Variants in SLC44A3 observed in about 807,000 individuals in gnomAD.
The protein encoded by SLC44A3 is choline transporter-like protein 3.
SLC44A3 carries 74 observed loss-of-function variants against 75.4 expected under a neutral mutation model. The observed-to-expected ratio is 0.98, with a 90% CI of 0.81 to 1.19. The LOEUF (loss-of-function observed/expected upper bound fraction) is 1.19. SLC44A3 is among the 50% of genes most tolerant of loss of function. The pLI, the probability that SLC44A3 is intolerant of heterozygous loss-of-function variation, is 0.00. For missense variants in SLC44A3, 700 were observed against 778.6 expected (o/e 0.90, Z 1.20); for synonymous variants, 310 against 296.9 (o/e 1.04, Z -0.45).
At chr1:94,840,559 G>T (rs967018779) in intron 7 of SLC44A3, among the ~76,000 whole-genome samples, 1 of 151,924 alleles carries the variant, frequency 6.6e-6, no homozygotes, top group Non-Finnish European at 1.5e-5. Context: ...CAAAGTGCTG[G>T]GATTACAGGT....
At chr1:94,871,874 G>A (rs561442882) in intron 12 of SLC44A3, among the ~76,000 whole-genome samples, 15 of 152,312 alleles carry the variant, frequency 9.8e-5, no homozygotes, top group Admixed American at 3.9e-4. Flanking sequence ...TCTTAACATA[G>A]TTTCTTAAGG....
At chr1:94,839,352 A>G (rs1360638367) in intron 6 of SLC44A3, among the ~76,000 whole-genome samples, 1 of 152,210 alleles carries the variant, frequency 6.6e-6, no homozygotes, top group Admixed American at 6.5e-5. Context: ...AGATTTGGGC[A>G]TTTGAGAATA....
intron 6 of SLC44A3, chr1:94,838,905 C>T (rs1019500727): frequency 1.3e-5 from 2 of 152,202 alleles, no homozygotes; most frequent in East Asian, 1.9e-4. Context: ...TAACAGCTGT[C>T]GTTTACTGAG....
Position 94,824,592 on chromosome 1 carries a change from G to T in SLC44A3, c.235G>T (p.Val79Leu), listed in dbSNP as rs757246523. ...CATGTGTGGCAAGAAGAACTCCCCC[G>T]TGGAAGGGGCCCCTCTTTCAGGGCA... ...GNMCGKKNSP[V>L]EGAPLSGQDM... The change falls in exon 3 of 15, where the codon GTG (valine) becomes TTG (leucine). Residue 79 changes from valine (V) to leucine (L), a missense_variant. Val to Leu is a conservative substitution (Grantham distance 32, BLOSUM62 1). Coordinates refer to ENST00000271227, the MANE Select transcript of SLC44A3 (RefSeq NM_001114106.3). 2.5e-6 allele frequency: 4 copies of T among 1,609,648 alleles called. No individual in the cohort carries two copies. In the East Asian group the frequency reaches 9.0e-5, roughly 36 times the overall value.
Position 94,820,390 on chromosome 1 carries a change from C to A in SLC44A3, c.-62C>A. ...CCCCGGCCCCGGCTCGCGGGCGCTG[C>A]GTCTCCGCGTACAGGAGGCGGCGGC... On this transcript the variant is annotated 5_prime_UTR_variant, in exon 1 of 15. Transcript: ENST00000271227. 1.1e-5 allele frequency: 15 copies of A among 1,409,286 alleles called. No homozygotes were observed. The highest frequency in any genetic ancestry group is 1.4e-5 in the Non-Finnish European group (15 of 1,084,740). The allele number at this position is 1,409,286 out of a possible 1,614,324, so 87.3% of individuals were successfully genotyped here. A position where few individuals can be genotyped will look rare whatever the true frequency, so the allele number is the denominator to read the frequency against.
intron 12 of SLC44A3, among the ~76,000 whole-genome samples, chr1:94,881,156 G>A (rs1054311562): frequency 4.6e-5 from 7 of 152,172 alleles, no homozygotes; most frequent in Admixed American, 4.6e-4. Flanking sequence ...GTTATTCCCA[G>A]CAGCCAGTGA....
intron 9 of SLC44A3, among the ~76,000 whole-genome samples, chr1:94,849,386 A>C (rs966086880): frequency 6.6e-6 from 1 of 152,034 alleles, no homozygotes; most frequent in Non-Finnish European, 1.5e-5. Context: ...GCATCATAGA[A>C]ACCAAATCAC....
intron 7 of SLC44A3, among the ~76,000 whole-genome samples, chr1:94,840,283 CTTTTTTTTTTTTTTTTTT>C (rs56383271): frequency 1.0e-4 from 8 of 77,360 alleles, no homozygotes; most frequent in African/African-American, 4.1e-4. Flanking sequence ...TTTCTTTTTC[CTTTTTTTTTTTTTTTTTT>C]TTTTTTGAGG....
At chr1:94,830,022 C>A (rs1661910113) in intron 5 of SLC44A3, among the ~76,000 whole-genome samples, 1 of 152,184 alleles carries the variant, frequency 6.6e-6, no homozygotes, top group Admixed American at 6.5e-5. Context: ...TAACTGGTTG[C>A]AAGTGAAGCT....
At chr1:94,829,264 A>G (rs1661787666) in intron 5 of SLC44A3, among the ~76,000 whole-genome samples, 2 of 149,438 alleles carry the variant, frequency 1.3e-5, no homozygotes, top group South Asian at 4.3e-4. Flanking sequence ...GCCTGGTGAC[A>G]GAGCGGGAAT....
intron 12 of SLC44A3, among the ~76,000 whole-genome samples, chr1:94,886,656 C>T (rs1268020233): frequency 2.0e-5 from 3 of 152,232 alleles, no homozygotes; most frequent in Middle Eastern, 3.4e-3. Context: ...CTCACATGTG[C>T]ACTTGTGCTA....
rs12033848 is a variant in SLC44A3, at chr1:94,833,271, C to T, written c.510-4440C>T. Among the ~76,000 whole-genome samples, 162 of 152,254 alleles carry T rather than the reference C, an allele frequency of 1.1e-3. 4 individuals are homozygous for T. The East Asian group carries it at 0.028, about 27-fold the overall frequency. ...CATTCTCTGGGCTTGGGAGATGTCC[C>T]GGCCAGCTCTTTCCCTCATGGGCAT... is the stretch of plus-strand genomic sequence containing the variant. On this transcript the variant is annotated intron_variant, in intron 5 of 14. Coordinates refer to ENST00000271227, the MANE Select transcript of SLC44A3 (RefSeq NM_001114106.3).
intron 12 of SLC44A3, among the ~76,000 whole-genome samples, 163 bp from the exon 13 acceptor site, chr1:94,890,967 T>C (rs1670137148): frequency 6.6e-6 from 1 of 152,240 alleles, no homozygotes; most frequent in South Asian, 2.1e-4. Context: ...TGAAAATATA[T>C]ATGGATATAA....
At chr1:94,848,146 A>T (rs891935075) in intron 9 of SLC44A3, among the ~76,000 whole-genome samples, 18 of 151,588 alleles carry the variant, frequency 1.2e-4, no homozygotes, top group Middle Eastern at 3.4e-3. Context: ...GGAGAATAGC[A>T]TGAACCCGGG....
chr1:94,827,864 G>A (rs573794578), intron 4 of SLC44A3, among the ~76,000 whole-genome samples: 15 of 152,184 alleles, frequency 9.9e-5, no homozygotes, highest in East Asian at 9.6e-4. Context: ...TAGCTATTCC[G>A]TGTATGCTCC....
chr1:94,820,585 C>G lies in SLC44A3; in HGVS notation c.27+107C>G, dbSNP rs1660412381. The G allele has an allele frequency of 5.6e-6, 8 of 1,428,012 alleles. No individual in the cohort carries two copies. The South Asian group carries it at 1.1e-4, about 20-fold the overall frequency. The allele number at this position is 1,428,012 out of a possible 1,614,324, so 88.5% of individuals were successfully genotyped here. ...GGACGCTTCCGCCTTTCCCGCGCCTCGGGGATCCCGCCCCCGCTTAGTACC... is the reference window on the plus strand; with the variant it reads ...GGACGCTTCCGCCTTTCCCGCGCCTGGGGGATCCCGCCCCCGCTTAGTACC... On this transcript the variant is annotated intron_variant, in intron 1 of 14. Transcript: ENST00000271227.
At chr1:94,886,368 T>A (rs1470028252) in intron 12 of SLC44A3, among the ~76,000 whole-genome samples, 1 of 152,100 alleles carries the variant, frequency 6.6e-6, no homozygotes, top group African/African-American at 2.4e-5. Context: ...TCACTGCTCT[T>A]GCTCCACACT....
intron 5 of SLC44A3, among the ~76,000 whole-genome samples, chr1:94,829,884 A>C (rs1356740211): frequency 6.6e-6 from 1 of 152,268 alleles, no homozygotes; most frequent in Non-Finnish European, 1.5e-5. Flanking sequence ...ACATACCTTC[A>C]TATGTCCTTA....
intron 9 of SLC44A3, among the ~76,000 whole-genome samples, chr1:94,846,523 A>G (rs116441326): frequency 4.5e-4 from 68 of 152,342 alleles, no homozygotes; most frequent in African/African-American, 1.5e-3. Flanking sequence ...AAGTTTTGCT[A>G]TGGAAGAAAC....
Sources: allele counts gnomAD v4.1 joint callset (sites outside exome capture counted in the v4.1 genomes callset), GRCh38; gene constraint gnomAD v4.1.1; transcripts MANE v1.5; gene names NCBI Gene and HGNC (gene_info 2026-07-23, HGNC 2026-07-21).